Variants in RRAS2 observed in about 807,000 individuals in gnomAD.
RRAS2 encodes the protein ras-related protein R-Ras2.
Under a neutral mutation model 27.6 loss-of-function variants are expected in RRAS2, and 7 were observed. That is an observed-to-expected ratio of 0.25 (90% confidence interval 0.14 to 0.48). The LOEUF is 0.48. Among genes scored for constraint, RRAS2 ranks in the 20% least tolerant of loss-of-function variants. The pLI, the probability that RRAS2 is intolerant of heterozygous loss-of-function variation, is 0.99. For missense variants in RRAS2, 178 were observed against 256.2 expected, an observed-to-expected ratio of 0.69 and a Z score of 2.08; for synonymous variants, 86 against 90.9, an observed-to-expected ratio of 0.95 and a Z score of 0.31.
chr11:14,344,817 A>C (rs990452705), intron 1 of RRAS2, among the ~76,000 whole-genome samples: 2 of 152,046 alleles, frequency 1.3e-5, no homozygotes, highest in African/African-American at 4.8e-5. Flanking sequence ...AACTTCTAAA[A>C]CTCAAGATTC....
chr11:14,325,231 T>A (rs533298750), intron 1 of RRAS2, among the ~76,000 whole-genome samples: 12 of 152,166 alleles, frequency 7.9e-5, no homozygotes, highest in Non-Finnish European at 1.6e-4. Context: ...GAATTCACCT[T>A]GTCTTACCAC....
intron 1 of RRAS2, among the ~76,000 whole-genome samples, chr11:14,312,673 G>A (rs1241099577): frequency 6.6e-6 from 1 of 151,932 alleles, no homozygotes; most frequent in African/African-American, 2.4e-5. Flanking sequence ...CTACCACCTA[G>A]GACTCCCAAA....
chr11:14,293,013 C>G (rs959854970), intron 4 of RRAS2, among the ~76,000 whole-genome samples: 1 of 150,974 alleles, frequency 6.6e-6, no homozygotes, highest in African/African-American at 2.4e-5. Context: ...GAGGCTGAGG[C>G]AGGAGAATGG....
chr11:14,325,338 G>C (rs552517969), intron 1 of RRAS2, among the ~76,000 whole-genome samples: 1 of 142,556 alleles, frequency 7.0e-6, no homozygotes, highest in East Asian at 2.1e-4. Context: ...TTGAGACAGA[G>C]TCTCGCTCTG....
At chr11:14,311,884 A>G (rs1554948916) in intron 1 of RRAS2, among the ~76,000 whole-genome samples, 1 of 149,994 alleles carries the variant, frequency 6.7e-6, no homozygotes, top group Admixed American at 6.6e-5. Flanking sequence ...TTTTTTCTTG[A>G]GATAGAGTCT....
At chr11:14,330,826 T>C (rs150730132) in intron 1 of RRAS2, among the ~76,000 whole-genome samples, 15 of 152,262 alleles carry the variant, frequency 9.9e-5, no homozygotes, top group African/African-American at 2.9e-4. Flanking sequence ...TTTCAAGAGG[T>C]AGAAAACTGA....
chr11:14,285,614 C>G (rs1284254517), intron 4 of RRAS2, among the ~76,000 whole-genome samples: 1 of 152,206 alleles, frequency 6.6e-6, no homozygotes, highest in Non-Finnish European at 1.5e-5. Context: ...TCTTGTAATG[C>G]AGATCTGCTG....
At chr11:14,339,792 T>G (rs1554953052) in intron 1 of RRAS2, among the ~76,000 whole-genome samples, 1 of 152,186 alleles carries the variant, frequency 6.6e-6, no homozygotes, top group African/African-American at 2.4e-5. Flanking sequence ...CCCCTTATAA[T>G]CATATACATT....
intron 1 of RRAS2, among the ~76,000 whole-genome samples, chr11:14,332,678 C>G (rs994157741): frequency 1.3e-5 from 2 of 151,994 alleles, no homozygotes; most frequent in African/African-American, 4.8e-5. Context: ...AATAAAAAGT[C>G]AGAAGGGAGA....
chr11:14,301,303 G>C (rs975857144), intron 1 of RRAS2, among the ~76,000 whole-genome samples: 3 of 152,150 alleles, frequency 2.0e-5, no homozygotes, highest in African/African-American at 7.2e-5. Flanking sequence ...CATAAGGAAA[G>C]AGACAGTGAT....
chr11:14,340,053 G>A (rs1464091367), intron 1 of RRAS2, among the ~76,000 whole-genome samples: 1 of 150,708 alleles, frequency 6.6e-6, no homozygotes, highest in Non-Finnish European at 1.5e-5. Context: ...AGGGTTTGGG[G>A]GTTGTGGGGG....
chr11:14,329,934 G>A (rs1036386239), intron 1 of RRAS2, among the ~76,000 whole-genome samples: 1 of 151,922 alleles, frequency 6.6e-6, no homozygotes, highest in Non-Finnish European at 1.5e-5. Context: ...AATTAGCCAG[G>A]CGTGGTGACA....
chr11:14,311,448 C>T (rs138072379), intron 1 of RRAS2, among the ~76,000 whole-genome samples: 2,548 of 152,316 alleles, frequency 0.017, 38 homozygotes, highest in Admixed American at 0.034. Flanking sequence ...CTCACTGCAA[C>T]CTCTGCCTCC....
intron 1 of RRAS2, among the ~76,000 whole-genome samples, chr11:14,311,539 G>A (rs1252695771): frequency 6.6e-6 from 1 of 151,698 alleles, no homozygotes; most frequent in African/African-American, 2.4e-5. Flanking sequence ...GCTAATTTTT[G>A]TATTTTCAGT....
At chr11:14,315,473 A>G (rs1848079013) in intron 1 of RRAS2, among the ~76,000 whole-genome samples, 1 of 152,256 alleles carries the variant, frequency 6.6e-6, no homozygotes, top group Non-Finnish European at 1.5e-5. Context: ...GTCAGCCAAG[A>G]GGAGCCTAAG....
chr11:14,313,440 A>G (rs1554949117), intron 1 of RRAS2, among the ~76,000 whole-genome samples: 1 of 152,248 alleles, frequency 6.6e-6, no homozygotes, highest in Non-Finnish European at 1.5e-5. Flanking sequence ...ATGCAGGAAG[A>G]GGCTTGCTCA....
At chr11:14,283,609 T>A (rs1275739776) in intron 4 of RRAS2, among the ~76,000 whole-genome samples, 12 of 151,318 alleles carry the variant, frequency 7.9e-5, no homozygotes, top group Admixed American at 2.6e-4. Context: ...TGATATTATC[T>A]TTTTTTTTCC....
intron 1 of RRAS2, among the ~76,000 whole-genome samples, chr11:14,329,976 G>A (rs1848452462): frequency 6.6e-6 from 1 of 152,080 alleles, no homozygotes; most frequent in African/African-American, 2.4e-5. Flanking sequence ...TCAAGGGGCT[G>A]AAGCAGATGG....
intron 1 of RRAS2, among the ~76,000 whole-genome samples, chr11:14,305,814 G>A (rs954129078): frequency 4.6e-5 from 7 of 152,140 alleles, no homozygotes; most frequent in Admixed American, 1.3e-4. Context: ...GAAGGCTAAG[G>A]CAAGAGGATC....
Sources: gnomAD v4.1 joint callset for allele counts (sites outside exome capture counted in the v4.1 genomes callset) on GRCh38, gnomAD v4.1.1 for gene constraint, MANE v1.5 for transcripts, NCBI Gene and HGNC (gene_info 2026-07-23, HGNC 2026-07-21) for gene names.